Variants in PITPNC1 observed in about 807,000 individuals in gnomAD.
PITPNC1 encodes the protein phosphatidylinositol transfer protein cytoplasmic 1.
A neutral mutation model predicts 44.7 loss-of-function variants in PITPNC1; 18 were observed. The ratio of observed to expected loss-of-function variants is 0.40; its 90% CI spans 0.28 to 0.60. The LOEUF is 0.60. Ranked by LOEUF, PITPNC1 falls within the 20% of genes least tolerant of loss-of-function variation. The pLI, the probability that PITPNC1 is intolerant of heterozygous loss-of-function variation, is 0.39. For missense variants in PITPNC1, 290 were observed against 418.4 expected, an observed-to-expected ratio of 0.69 and a Z score of 2.68; for synonymous variants, 141 against 149.6, an observed-to-expected ratio of 0.94 and a Z score of 0.42.
At chr17:67,627,337 G>A (rs1177399888) in intron 5 of PITPNC1, among the ~76,000 whole-genome samples, 1 of 152,254 alleles carries the variant, frequency 6.6e-6, no homozygotes, top group Non-Finnish European at 1.5e-5. Context: ...GATTTGTTCA[G>A]ATGGTGGGTA....
intron 1 of PITPNC1, among the ~76,000 whole-genome samples, chr17:67,470,432 A>T (rs955123229): frequency 6.6e-6 from 1 of 152,236 alleles, no homozygotes; most frequent in Admixed American, 6.5e-5. Context: ...CCTAACAAGC[A>T]CTGATCTGCT....
intron 5 of PITPNC1, among the ~76,000 whole-genome samples, chr17:67,624,533 G>GTTTGT (rs562355225): frequency 1.3e-5 from 2 of 151,270 alleles, no homozygotes; most frequent in African/African-American, 4.9e-5. Context: ...TTGTTTTTTT[G>GTTTGT]TTTGTTTTGT....
At chr17:67,444,214 A>C (rs1197363913) in intron 1 of PITPNC1, among the ~76,000 whole-genome samples, 1 of 152,056 alleles carries the variant, frequency 6.6e-6, no homozygotes, top group East Asian at 1.9e-4. Context: ...TAATTATTAA[A>C]GGAAGAACAT....
chr17:67,664,628 G>C (rs1335165160), intron 6 of PITPNC1, among the ~76,000 whole-genome samples: 1 of 152,186 alleles, frequency 6.6e-6, no homozygotes, highest in East Asian at 1.9e-4. Flanking sequence ...TCATGGTCAG[G>C]CATGGTGGCT....
At chr17:67,542,152 G>A (rs1286301197) in intron 2 of PITPNC1, among the ~76,000 whole-genome samples, 1 of 152,072 alleles carries the variant, frequency 6.6e-6, no homozygotes, top group Non-Finnish European at 1.5e-5. Context: ...TAACCAATGA[G>A]GCACAAGAAA....
rs556784999 is a variant in PITPNC1 at position 67,681,094 on chromosome 17, T to G, written c.682+5552T>G. Among the ~76,000 whole-genome samples the G allele has an allele frequency of 3.3e-5, 5 of 152,374 alleles. No homozygotes were observed. The East Asian group carries it at 9.6e-4, about 29-fold the overall frequency. On this transcript the variant is annotated intron_variant, in intron 8 of 8. Coordinates refer to ENST00000581322, the MANE Select transcript of PITPNC1 (RefSeq NM_012417.4). Reference sequence around the variant, plus strand: ...GGAAAATTCACGCTTGCAGATGCTTTGTTCAAGGGCATTTGTAGTTTCCAT... The same window carrying G: ...GGAAAATTCACGCTTGCAGATGCTTGGTTCAAGGGCATTTGTAGTTTCCAT...
At chr17:67,500,456 A>G (rs1368775501) in intron 1 of PITPNC1, among the ~76,000 whole-genome samples, 1 of 152,188 alleles carries the variant, frequency 6.6e-6, no homozygotes, top group African/African-American at 2.4e-5. Flanking sequence ...AGGCACAGAA[A>G]GTTGATGAGT....
intron 1 of PITPNC1, among the ~76,000 whole-genome samples, chr17:67,474,847 A>G (rs2039603935): frequency 1.4e-5 from 2 of 146,404 alleles, no homozygotes; most frequent in South Asian, 2.2e-4. Flanking sequence ...GAAGAGGGGG[A>G]CTCACTGTGT....
chr17:67,456,325 T>C (rs1478724965), intron 1 of PITPNC1, among the ~76,000 whole-genome samples: 1 of 152,236 alleles, frequency 6.6e-6, no homozygotes, highest in Non-Finnish European at 1.5e-5. Flanking sequence ...TGTAAATAGC[T>C]TATAGCTAAA....
intron 1 of PITPNC1, among the ~76,000 whole-genome samples, chr17:67,527,532 G>A (rs2040405871): frequency 6.6e-6 from 1 of 151,898 alleles, no homozygotes; most frequent in Non-Finnish European, 1.5e-5. Flanking sequence ...GCGAAACCCC[G>A]TCTCTACTAA....
intron 5 of PITPNC1, among the ~76,000 whole-genome samples, chr17:67,631,453 C>A (rs1420088805): frequency 3.6e-5 from 5 of 138,970 alleles, no homozygotes; most frequent in Admixed American, 7.5e-5. Flanking sequence ...CACGGTGAAA[C>A]CCCGTCTCTA....
intron 4 of PITPNC1, among the ~76,000 whole-genome samples, chr17:67,562,550 C>T (rs2040919471): frequency 6.6e-6 from 1 of 151,040 alleles, no homozygotes; most frequent in Non-Finnish European, 1.5e-5. Flanking sequence ...TTTTTTTTTC[C>T]CCACTTGAGT....
chr17:67,528,809 A>G (rs1249196000), intron 1 of PITPNC1, among the ~76,000 whole-genome samples: 3 of 152,056 alleles, frequency 2.0e-5, no homozygotes, highest in African/African-American at 2.4e-5. Flanking sequence ...GTCTCTGGAG[A>G]TTTTGAAACA....
Position 67,641,237 on chromosome 17 carries a change from A to G in PITPNC1, c.462+8999A>G, listed in dbSNP as rs550016012. On this transcript the variant is annotated intron_variant, in intron 6 of 8. Transcript: ENST00000581322. ...ATAGGTTTATGTTTATTTTTTGCTCATAAATTAATACATGATCCTTGTAAA... is the reference window on the plus strand; with the variant it reads ...ATAGGTTTATGTTTATTTTTTGCTCGTAAATTAATACATGATCCTTGTAAA... Among the ~76,000 whole-genome samples the G allele has an allele frequency of 1.3e-3, 197 of 152,300 alleles. 1 individual carries two copies. The South Asian group carries it at 0.019, about 14-fold the overall frequency.
At chr17:67,576,084 C>T (rs933168312) in intron 4 of PITPNC1, among the ~76,000 whole-genome samples, 2 of 151,900 alleles carry the variant, frequency 1.3e-5, no homozygotes, top group Non-Finnish European at 2.9e-5. Context: ...GCCATGGTGG[C>T]CAGGCTGGTC....
At chr17:67,674,037 G>T (rs1435241457) in intron 7 of PITPNC1, among the ~76,000 whole-genome samples, 1 of 149,166 alleles carries the variant, frequency 6.7e-6, no homozygotes, top group Non-Finnish European at 1.5e-5. Flanking sequence ...ATAATTTTTT[G>T]TGGGTACATA....
chr17:67,656,169 A>G (rs2042265069), intron 6 of PITPNC1, among the ~76,000 whole-genome samples: 1 of 152,218 alleles, frequency 6.6e-6, no homozygotes, highest in Admixed American at 6.5e-5. Context: ...GTTAGGTCAG[A>G]GCATGGGGGT....
At chr17:67,440,858 C>A (rs139373203) in intron 1 of PITPNC1, among the ~76,000 whole-genome samples, 78 of 152,100 alleles carry the variant, frequency 5.1e-4, no homozygotes, top group African/African-American at 1.8e-3. Flanking sequence ...TCTTGCAGGA[C>A]TTTTGGGGTG....
intron 5 of PITPNC1, among the ~76,000 whole-genome samples, chr17:67,588,970 C>G (rs2041356209): frequency 6.6e-6 from 1 of 152,188 alleles, no homozygotes; most frequent in Non-Finnish European, 1.5e-5. Context: ...TATAACCAGC[C>G]ACCTACAAAA....
Sources: allele counts gnomAD v4.1 joint callset (sites outside exome capture counted in the v4.1 genomes callset), GRCh38; gene constraint gnomAD v4.1.1; transcripts MANE v1.5; gene names NCBI Gene and HGNC (gene_info 2026-07-23, HGNC 2026-07-21).